The following CDH12 variants were observed in gnomAD, a reference collection of about 807,000 sequenced individuals.
CDH12 encodes the protein cadherin 12.
In CDH12, 41 loss-of-function variants were observed where a neutral mutation model predicts 74.1. The ratio of observed to expected loss-of-function variants is 0.55; its 90% confidence interval spans 0.43 to 0.72. The LOEUF (loss-of-function observed/expected upper bound fraction) is 0.72, where lower values mean the gene tolerates loss of function less well. CDH12 is among the 30% of genes least tolerant of loss of function. The pLI, the probability that CDH12 is intolerant of heterozygous loss-of-function variation, is 0.00. For missense variants in CDH12, 945 were observed against 977.2 expected (o/e 0.97, Z 0.44); for synonymous variants, 399 against 355.0 (o/e 1.12, Z -1.39).
Position 22,203,257 on chromosome 5 carries a change from C to CG in CDH12, c.-187+9240dup, listed in dbSNP as rs1417216408. On this transcript the variant is annotated intron_variant, in intron 4 of 14. Coordinates refer to ENST00000382254, the MANE Select transcript of CDH12 (RefSeq NM_004061.5). The stretch of plus-strand genomic sequence containing the variant: ...TTCTATACATCTTTTTCCCTCCCCC[C>CG]GCCACAGCCTCTGCTAACCTCTAAT... Among the ~76,000 whole-genome samples the CG allele has an allele frequency of 1.2e-4, 19 of 152,206 alleles. No individual in the cohort carries two copies. The East Asian group carries it at 3.7e-3, about 30-fold the overall frequency.
intron 1 of CDH12, among the ~76,000 whole-genome samples, chr5:22,618,029 A>G (rs1737776353): frequency 1.3e-5 from 2 of 152,256 alleles, no homozygotes; most frequent in African/African-American, 4.8e-5. Context: ...TCGGAAGTCA[A>G]CCAGTCTCTC....
At chr5:22,614,918 T>C (rs1737618215) in intron 1 of CDH12, among the ~76,000 whole-genome samples, 1 of 151,956 alleles carries the variant, frequency 6.6e-6, no homozygotes, top group Non-Finnish European at 1.5e-5. Context: ...AAGCAACTCA[T>C]GGGTAGGGAG....
intron 6 of CDH12, among the ~76,000 whole-genome samples, chr5:21,908,530 C>T (rs1753736417): frequency 6.6e-6 from 1 of 152,238 alleles, no homozygotes; most frequent in East Asian, 1.9e-4. Context: ...TCTCCAGAAG[C>T]TCTCTCCAAG....
intron 1 of CDH12, among the ~76,000 whole-genome samples, chr5:22,800,478 G>A (rs568405364): frequency 3.3e-5 from 5 of 152,190 alleles, no homozygotes; most frequent in African/African-American, 4.8e-5. Flanking sequence ...AGTCCTACAC[G>A]TGTACAGTTT....
chr5:21,934,030 T>C (rs1176373375), intron 6 of CDH12, among the ~76,000 whole-genome samples: 1 of 152,222 alleles, frequency 6.6e-6, no homozygotes, highest in Non-Finnish European at 1.5e-5. Context: ...TGTCATTGGG[T>C]ATTTTTCTTT....
rs115688439 is a variant in CDH12 at position 22,328,423 on chromosome 5, A to C, written c.-333+76834T>G. Among the ~76,000 whole-genome samples, 1,274 of 152,328 alleles carry C rather than the reference A, an allele frequency of 8.4e-3. 14 individuals carry two copies. Among genetic ancestry groups the C allele is most frequent in the Non-Finnish European group, 0.011 (752 of 68,018 alleles). On this transcript the variant is annotated intron_variant, in intron 3 of 14. Coordinates refer to ENST00000382254, the MANE Select transcript of CDH12 (RefSeq NM_004061.5). ...ATTAAGAGATACTTCATGGATTTAC[A>C]GTATGTGTCGTTCCAGAGAGCCATA...
chr5:22,780,110 G>C (rs1254464153), intron 1 of CDH12, among the ~76,000 whole-genome samples: 2 of 152,176 alleles, frequency 1.3e-5, no homozygotes, highest in African/African-American at 4.8e-5. Context: ...ATCTAGCCAG[G>C]CACAGTGGCT....
chr5:22,803,320 T>C (rs1228945967), intron 1 of CDH12, among the ~76,000 whole-genome samples: 1 of 152,154 alleles, frequency 6.6e-6, no homozygotes, highest in East Asian at 1.9e-4. Context: ...AAAATATGCA[T>C]CATGAATTCA....
intron 3 of CDH12, among the ~76,000 whole-genome samples, chr5:22,372,708 C>T (rs1024189094): frequency 1.3e-5 from 2 of 152,256 alleles, no homozygotes; most frequent in African/African-American, 4.8e-5. Flanking sequence ...CCCGTAGCTG[C>T]CTTCCCACAC....
intron 1 of CDH12, among the ~76,000 whole-genome samples, chr5:22,632,466 A>G (rs1435811699): frequency 6.6e-6 from 1 of 152,232 alleles, no homozygotes; most frequent in Non-Finnish European, 1.5e-5. Flanking sequence ...ATAAAGAGAT[A>G]TGAATTATTT....
At chr5:22,326,387 A>C (rs7714339) in intron 3 of CDH12, among the ~76,000 whole-genome samples, 64,543 of 151,268 alleles carry the variant, frequency 0.43, 13,702 homozygotes, top group South Asian at 0.49. Context: ...AGGCACCCGC[A>C]ACCACGCCGG....
At chr5:22,399,473 C>A (rs112630621) in intron 3 of CDH12, among the ~76,000 whole-genome samples, 5,484 of 152,214 alleles carry the variant, frequency 0.036, 114 homozygotes, top group African/African-American at 0.055. Context: ...ATATAAGTAT[C>A]ATTTTAAAGC....
At chr5:22,200,056 C>T (rs1190665156) in intron 4 of CDH12, among the ~76,000 whole-genome samples, 1 of 151,964 alleles carries the variant, frequency 6.6e-6, no homozygotes, top group Non-Finnish European at 1.5e-5. Flanking sequence ...AAATACTTTC[C>T]AGAATTATTG....
At chr5:22,549,230 C>A (rs535829298) in intron 1 of CDH12, among the ~76,000 whole-genome samples, 42 of 152,048 alleles carry the variant, frequency 2.8e-4, no homozygotes, top group African/African-American at 8.4e-4. Flanking sequence ...GCCTAGGACT[C>A]CCAAAGTGCT....
intron 1 of CDH12, among the ~76,000 whole-genome samples, chr5:22,822,781 T>G (rs1049002555): frequency 9.2e-5 from 14 of 152,098 alleles, no homozygotes; most frequent in Non-Finnish European, 1.5e-4. Context: ...TTACACAGTT[T>G]GTGGGACTGT....
At chr5:22,612,977 A>G (rs980079052) in intron 1 of CDH12, among the ~76,000 whole-genome samples, 6 of 152,140 alleles carry the variant, frequency 3.9e-5, no homozygotes, top group African/African-American at 1.4e-4. Context: ...GGAGTGTAGC[A>G]GAGCACAAAT....
chr5:22,058,271 G>T (rs1189464319), intron 5 of CDH12, among the ~76,000 whole-genome samples: 2 of 151,940 alleles, frequency 1.3e-5, no homozygotes, highest in African/African-American at 4.8e-5. Flanking sequence ...TGCCCAGGCT[G>T]GTCTCAAACT....
chr5:22,765,907 T>C (rs1314032924), intron 1 of CDH12, among the ~76,000 whole-genome samples: 1 of 151,776 alleles, frequency 6.6e-6, no homozygotes, highest in Non-Finnish European at 1.5e-5. Flanking sequence ...TAATATAATA[T>C]GTAAAAAAAT....
chr5:22,080,833 G>T (rs191873481), intron 4 of CDH12, among the ~76,000 whole-genome samples: 1 of 151,650 alleles, frequency 6.6e-6, no homozygotes, highest in African/African-American at 2.4e-5. Flanking sequence ...AGGCTGGAGC[G>T]CAGTGGCGTA....
Sources: allele counts gnomAD v4.1 joint callset (sites outside exome capture counted in the v4.1 genomes callset), GRCh38; gene constraint gnomAD v4.1.1; transcripts MANE v1.5; gene names NCBI Gene and HGNC (gene_info 2026-07-23, HGNC 2026-07-21).